The following TRIQK variants were observed in gnomAD, a reference collection of about 807,000 sequenced individuals.
TRIQK encodes triple QxxK/R motif-containing protein.
A neutral mutation model predicts 10.8 loss-of-function variants in TRIQK; 10 were observed. The observed-to-expected ratio is 0.92, with a 90% CI of 0.57 to 1.57. The LOEUF is 1.57. Among genes scored for constraint, TRIQK ranks in the 40% most tolerant of loss-of-function variants. The pLI, the probability that TRIQK is intolerant of heterozygous loss-of-function variation, is 0.00. For missense variants in TRIQK, 107 were observed against 97.7 expected, an observed-to-expected ratio of 1.09 and a Z score of -0.40; for synonymous variants, 33 against 33.7, an observed-to-expected ratio of 0.98 and a Z score of 0.07.
At chr8:92,987,494 T>C (rs572488282) in intron 1 of TRIQK, among the ~76,000 whole-genome samples, 5 of 152,380 alleles carry the variant, frequency 3.3e-5, no homozygotes, top group South Asian at 2.1e-4. Context: ...GGGTTTCTCC[T>C]ACATAATTAG....
chr8:92,979,805 A>G (rs1485124423), intron 1 of TRIQK, among the ~76,000 whole-genome samples: 1 of 152,040 alleles, frequency 6.6e-6, no homozygotes, highest in Non-Finnish European at 1.5e-5. Context: ...TTTCCCATTC[A>G]ACTTACTTTA....
chr8:92,982,737 ATCT>A (rs1482827247), intron 1 of TRIQK, among the ~76,000 whole-genome samples: 1 of 152,068 alleles, frequency 6.6e-6, no homozygotes, highest in Non-Finnish European at 1.5e-5. Context: ...ATATGCAACC[ATCT>A]TCTGCTTTTA....
At chr8:92,898,869 A>ATG (rs1808766664) in intron 3 of TRIQK, among the ~76,000 whole-genome samples, 2 of 136,586 alleles carry the variant, frequency 1.5e-5, no homozygotes, top group African/African-American at 5.4e-5. Flanking sequence ...ATATATATAT[A>ATG]TATAGATGGG....
chr8:92,950,362 C>T (rs187155876), intron 2 of TRIQK, among the ~76,000 whole-genome samples: 1 of 152,212 alleles, frequency 6.6e-6, no homozygotes, highest in East Asian at 1.9e-4. Context: ...ATACTTAGTG[C>T]ATGTACATAT....
intron 3 of TRIQK, among the ~76,000 whole-genome samples, chr8:92,915,422 T>C (rs1227506286): frequency 6.6e-6 from 1 of 152,124 alleles, no homozygotes; most frequent in African/African-American, 2.4e-5. Context: ...ACTGTAGTAA[T>C]CATTTACTCT....
intron 3 of TRIQK, among the ~76,000 whole-genome samples, chr8:92,904,906 T>C (rs1319807952): frequency 1.3e-5 from 2 of 152,172 alleles, no homozygotes; most frequent in Non-Finnish European, 2.9e-5. Flanking sequence ...CATGTTGGAA[T>C]TGTCTCCCAG....
rs61531336 is a variant in TRIQK at position 93,015,669 on chromosome 8, A to C, written c.-181+1940T>G. On this transcript the variant is annotated intron_variant, in intron 1 of 4. Transcript: ENST00000520686. ...CTGTGCAAAATGTACATGGAATGAA[A>C]ATTTATTGCTCATGATTCTTGAATA... Among the ~76,000 whole-genome samples the C allele has an allele frequency of 6.6e-3, 997 of 152,188 alleles. 11 individuals carry two copies. Among genetic ancestry groups the C allele is most frequent in the African/African-American group, 0.023 (942 of 41,564 alleles).
At chr8:92,906,675 A>T (rs1024091676) in intron 3 of TRIQK, among the ~76,000 whole-genome samples, 1 of 151,460 alleles carries the variant, frequency 6.6e-6, no homozygotes, top group Non-Finnish European at 1.5e-5. Flanking sequence ...GCCAAATCAC[A>T]ATAGAATAAA....
intron 3 of TRIQK, among the ~76,000 whole-genome samples, chr8:92,894,819 T>C (rs773371485): frequency 1.4e-4 from 21 of 152,108 alleles, no homozygotes; most frequent in Non-Finnish European, 2.2e-4. Context: ...TGTTATTTGC[T>C]CTTTGTTGTT....
At chr8:92,919,447 G>C (rs568606475) in intron 2 of TRIQK, among the ~76,000 whole-genome samples, 3 of 151,968 alleles carry the variant, frequency 2.0e-5, no homozygotes, top group Admixed American at 6.6e-5. Flanking sequence ...CATGTTTATT[G>C]ATATGTGTAT....
intron 1 of TRIQK, among the ~76,000 whole-genome samples, chr8:92,964,601 C>T (rs1812640209): frequency 7.1e-6 from 1 of 140,972 alleles, no homozygotes; most frequent in Non-Finnish European, 1.5e-5. Flanking sequence ...CTAAATAACC[C>T]TAAGATTAAA....
rs537889908 is a variant in TRIQK, at chr8:92,943,250, A to G, written c.-22+11156T>C. 5.8e-4 allele frequency among the ~76,000 whole-genome samples: 89 copies of G among 152,196 alleles called. 2 individuals carry two copies. Among genetic ancestry groups the G allele is most frequent in the Non-Finnish European group, 1.6e-4 (11 of 68,040 alleles). On this transcript the variant is annotated intron_variant, in intron 2 of 4. Coordinates refer to ENST00000521988, the MANE Select transcript of TRIQK (RefSeq NM_001171797.2). ...ATTGTAAAAATGTCTGTTTTACTCA[A>G]AATCATCTACAGATTCAATGCAATT...
intron 2 of TRIQK, among the ~76,000 whole-genome samples, chr8:92,925,090 G>A (rs954738437): frequency 6.6e-6 from 1 of 152,094 alleles, no homozygotes; most frequent in Non-Finnish European, 1.5e-5. Context: ...TCATGTTCCA[G>A]AAAAGAAATC....
At position 92,917,715 on chromosome 8, in the gene TRIQK, T is replaced by C. The variant is rs528162974; in HGVS notation, c.-21-705A>G. On this transcript the variant is annotated intron_variant, in intron 2 of 4. Coordinates refer to ENST00000521988, the MANE Select transcript of TRIQK (RefSeq NM_001171797.2). ...TGGGATATCCATCACCTTATTTACA[T>C]GTTCTTTGTGTTGGGAGCAAAACAA... Among the ~76,000 whole-genome samples the C allele has an allele frequency of 5.3e-5, 8 of 152,188 alleles. No individual in the cohort carries two copies. In the South Asian group the frequency reaches 1.2e-3, roughly 24 times the overall value.
At chr8:92,924,831 C>T (rs1810365204) in intron 2 of TRIQK, among the ~76,000 whole-genome samples, 1 of 151,916 alleles carries the variant, frequency 6.6e-6, no homozygotes, top group Non-Finnish European at 1.5e-5. Context: ...AGTTATTACA[C>T]TGAGGAACAA....
upstream of TRIQK, among the ~76,000 whole-genome samples, chr8:92,967,146 GGTAGA>G (rs1328375985): frequency 6.6e-6 from 1 of 151,974 alleles, no homozygotes; most frequent in Non-Finnish European, 1.5e-5. Context: ...CAGAAATAAA[GGTAGA>G]GTTAAATGAG....
In TRIQK at chr8:92,980,397, G is replaced by A. The variant is rs185899254; in HGVS notation, c.-180-25833C>T. Among the ~76,000 whole-genome samples, 947 of 151,924 alleles carry A rather than the reference G, an allele frequency of 6.2e-3. 8 individuals carry two copies. Among genetic ancestry groups the A allele is most frequent in the Middle Eastern group, 0.017 (5 of 294 alleles). ...TGTGTGTGTGTGTCTGCACTCACGC[G>A]CGTGTGTGTTCATTTTGGTACCTGT... On this transcript the variant is annotated intron_variant, in intron 1 of 4. Coordinates refer to the TRIQK transcript ENST00000520686.
intron 1 of TRIQK, among the ~76,000 whole-genome samples, chr8:92,992,837 T>A (rs1813111651): frequency 6.6e-6 from 1 of 152,180 alleles, no homozygotes; most frequent in Admixed American, 6.5e-5. Context: ...AGCACCCCAT[T>A]GTTGGAAGAA....
At chr8:92,943,997 G>A (rs11780788) in intron 2 of TRIQK, among the ~76,000 whole-genome samples, 25,751 of 151,874 alleles carry the variant, frequency 0.17, 2,406 homozygotes, top group African/African-American at 0.25. Context: ...ATATTAGGAA[G>A]TCGATCAACT....
Sources: gnomAD v4.1 joint callset for allele counts (sites outside exome capture counted in the v4.1 genomes callset) on GRCh38, gnomAD v4.1.1 for gene constraint, MANE v1.5 for transcripts, NCBI Gene and HGNC (gene_info 2026-07-23, HGNC 2026-07-21) for gene names.